The following VGLL4 variants were observed in gnomAD, a reference collection of about 807,000 sequenced individuals.
VGLL4 encodes vestigial like family member 4, also known as transcription cofactor vestigial-like protein 4.
A neutral mutation model predicts 21.0 loss-of-function variants in VGLL4; 7 were observed. The ratio of observed to expected loss-of-function variants is 0.33; its 90% CI spans 0.19 to 0.63. The LOEUF (loss-of-function observed/expected upper bound fraction) is 0.63, where lower values mean the gene tolerates loss of function less well. VGLL4 is among the 20% of genes least tolerant of loss of function. The probability of loss-of-function intolerance (pLI) is 0.78; values close to 1 mark genes in which losing one functional copy is unlikely to be tolerated. For synonymous variants in VGLL4, 222 were observed against 173.2 expected, an observed-to-expected ratio of 1.28 and a Z score of -2.21; for missense variants, 394 against 425.7, an observed-to-expected ratio of 0.93 and a Z score of 0.66.
intron 2 of VGLL4, among the ~76,000 whole-genome samples, chr3:11,592,268 G>A (rs563056570): frequency 7.6e-4 from 115 of 152,300 alleles, no homozygotes; most frequent in Admixed American, 1.2e-3. Flanking sequence ...ACTTAAAATT[G>A]GGCCACAGAT....
At position 11,556,625 on chromosome 3, in the gene VGLL4, C is replaced by T. The variant is rs1315989439; in HGVS notation, c.*1931G>A. The stretch of plus-strand genomic sequence containing the variant: ...AAAAAAAAGATCAACTTTTTTTTTC[C>T]GAACAACAAAAAAAATGAATGATTA... On this transcript the variant is annotated 3_prime_UTR_variant, in exon 5 of 5. Transcript: ENST00000430365. 6.0e-5 allele frequency: 9 copies of T among 151,210 alleles called. No homozygotes were observed. The highest frequency in any genetic ancestry group is 1.9e-4 in the East Asian group (1 of 5,234). The allele number at this position is 151,210 out of a possible 1,614,324, so 9.4% of individuals were successfully genotyped here. A position where few individuals can be genotyped will look rare whatever the true frequency, so the allele number is the denominator to read the frequency against.
At chr3:11,647,280 C>T (rs1010615617), upstream of VGLL4, among the ~76,000 whole-genome samples, 25 of 152,102 alleles carry the variant, frequency 1.6e-4, no homozygotes, top group Admixed American at 9.8e-4. Context: ...GTATGCTTCT[C>T]GGTGTGCAGG....
In VGLL4 at chr3:11,557,744, A is replaced by C. The variant is rs2072576473; in HGVS notation, c.*812T>G. ...CTATTTTTTCTCCATTAAAACATGC[A>C]TCACGTTTAAAGCACTATGGAATCC... is the stretch of plus-strand genomic sequence containing the variant. On this transcript the variant is annotated 3_prime_UTR_variant, in exon 5 of 5. Coordinates refer to ENST00000430365, the MANE Select transcript of VGLL4 (RefSeq NM_001128219.3). 1 of 152,878 alleles carries C rather than the reference A, an allele frequency of 6.5e-6. No individual in the cohort carries two copies. Among genetic ancestry groups the C allele is most frequent in the Admixed American group, 6.5e-5 (1 of 15,310 alleles). The allele number at this position is 152,878 out of a possible 1,614,324, so 9.5% of individuals were successfully genotyped here.
chr3:11,566,669 C>T (rs146220898), intron 2 of VGLL4, among the ~76,000 whole-genome samples: 33 of 152,286 alleles, frequency 2.2e-4, no homozygotes, highest in African/African-American at 7.2e-4. Flanking sequence ...CACGCGGTGC[C>T]GCTCTAGCCT....
At chr3:11,635,903 G>C (rs969440270) in intron 1 of VGLL4, among the ~76,000 whole-genome samples, 6 of 152,138 alleles carry the variant, frequency 3.9e-5, no homozygotes, top group African/African-American at 4.8e-5. Context: ...CATTCTCGTG[G>C]GTGATTTTAA....
At position 11,601,981 on chromosome 3, in the gene VGLL4, G is replaced by T. The variant is rs1268135283; in HGVS notation, c.124C>A (p.Pro42Thr). Residue 42 changes from proline (P) to threonine (T), a missense_variant, in exon 2 of 5, where the codon CCG (proline) becomes ACG (threonine). Pro to Thr is a conservative substitution (Grantham distance 38). Transcript: ENST00000430365. Reference sequence around the variant, plus strand: ...TGACTGCTGAGGGCAGAGGCCACCGGCAGGGTCTGTATTCTGGGTTCTCCC... The same window carrying T: ...TGACTGCTGAGGGCAGAGGCCACCGTCAGGGTCTGTATTCTGGGTTCTCCC... Reference protein sequence around the residue: ...LRGEPRIQTLPVASALSSHRT... With the variant: ...LRGEPRIQTLTVASALSSHRT... 1 of 1,601,558 alleles carries T rather than the reference G, an allele frequency of 6.2e-7. No individual in the cohort carries two copies. The highest frequency in any genetic ancestry group is 8.5e-7 in the Non-Finnish European group (1 of 1,175,530).
rs1428045483 is a variant in VGLL4, at chr3:11,558,390, C to CAAGT, written c.*162_*165dup. On this transcript the variant is annotated 3_prime_UTR_variant, in exon 5 of 5. Transcript: ENST00000430365. ...AGGGCCCCCTTGTACGGATACCAAG[C>CAAGT]AAGTACAAAAACAGAACACAAATCC... is the stretch of plus-strand genomic sequence containing the variant. The CAAGT allele has an allele frequency of 8.6e-6, 10 of 1,166,446 alleles. No homozygotes were observed. The Admixed American group carries it at 1.4e-4, about 17-fold the overall frequency. 72.3% of individuals were successfully genotyped at this position (1,166,446 alleles called of 1,614,324 possible).
intron 1 of VGLL4, among the ~76,000 whole-genome samples, chr3:11,615,248 A>G (rs2075140449): frequency 6.6e-6 from 1 of 152,178 alleles, no homozygotes; most frequent in Admixed American, 6.5e-5. Flanking sequence ...GGAGGACTTC[A>G]TTAATTAAGG....
upstream of VGLL4, among the ~76,000 whole-genome samples, chr3:11,645,971 C>CA (rs1176071503): frequency 2.6e-5 from 4 of 151,996 alleles, no homozygotes; most frequent in Non-Finnish European, 1.5e-5. Context: ...GACTCCGTCT[C>CA]AAAAAACAAA....
At position 11,595,030 on chromosome 3, in the gene VGLL4, G is replaced by A. The variant is rs28391039; in HGVS notation, c.272+6803C>T. Among the ~76,000 whole-genome samples the A allele has an allele frequency of 5.0e-3, 765 of 152,234 alleles. 5 individuals are homozygous for A. The highest frequency in any genetic ancestry group is 0.017 in the African/African-American group (699 of 41,516). On this transcript the variant is annotated intron_variant, in intron 2 of 4. Coordinates refer to ENST00000430365, the MANE Select transcript of VGLL4 (RefSeq NM_001128219.3). ...TACAAAATTAGCCGGGCATGGTGGC[G>A]CATGCCTATAATCCTAGCTACTCGG...
chr3:11,697,547 G>A lies in VGLL4; in HGVS notation c.64+5424C>T, dbSNP rs530345618. Among the ~76,000 whole-genome samples, 7 of 152,308 alleles carry A rather than the reference G, an allele frequency of 4.6e-5. No individual in the cohort carries two copies. In the South Asian group the frequency reaches 1.2e-3, roughly 27 times the overall value. ...CTAGTCACAGGAGCAAACCCCATAA[G>A]AGGTTCACTTGGCTGATGCAGAAGC... On this transcript the variant is annotated intron_variant, in intron 2 of 5. Transcript: ENST00000273038.
intron 2 of VGLL4, among the ~76,000 whole-genome samples, chr3:11,659,126 T>C (rs2075997423): frequency 6.6e-6 from 1 of 151,968 alleles, no homozygotes; most frequent in South Asian, 2.1e-4. Context: ...ACAACATGAA[T>C]AGAGTGCCAC....
At chr3:11,670,416 T>C (rs1049298015) in intron 2 of VGLL4, among the ~76,000 whole-genome samples, 1 of 152,178 alleles carries the variant, frequency 6.6e-6, no homozygotes, top group Non-Finnish European at 1.5e-5. Flanking sequence ...TTTCGAATGT[T>C]TTCGTCTCTA....
chr3:11,590,420 G>C (rs771354526), intron 2 of VGLL4, among the ~76,000 whole-genome samples: 13 of 152,106 alleles, frequency 8.5e-5, no homozygotes, highest in Non-Finnish European at 1.0e-4. Flanking sequence ...ATTATTCTTA[G>C]GTCTCTTCAA....
chr3:11,580,198 A>C (rs1228231167), intron 2 of VGLL4, among the ~76,000 whole-genome samples: 1 of 152,188 alleles, frequency 6.6e-6, no homozygotes, highest in Non-Finnish European at 1.5e-5. Context: ...CAGCCGCTGG[A>C]ACTACCATTC....
intron 1 of VGLL4, among the ~76,000 whole-genome samples, chr3:11,708,258 A>G (rs1280553666): frequency 2.0e-5 from 3 of 152,234 alleles, no homozygotes. Context: ...AATGACAGTA[A>G]ATGTACTGAA....
intron 1 of VGLL4, among the ~76,000 whole-genome samples, chr3:11,718,140 T>TC (rs1461876601): frequency 6.6e-6 from 1 of 152,140 alleles, no homozygotes; most frequent in Non-Finnish European, 1.5e-5. Context: ...CCCAGAAGTG[T>TC]GAAAAAACGG....
At chr3:11,641,118 C>CAA (rs10547055) in intron 1 of VGLL4, among the ~76,000 whole-genome samples, 13 of 91,796 alleles carry the variant, frequency 1.4e-4, no homozygotes, top group African/African-American at 2.0e-4. Flanking sequence ...ACTTCATCAC[C>CAA]AAAAAAAAAA....
At chr3:11,695,196 C>A (rs545626464) in intron 2 of VGLL4, among the ~76,000 whole-genome samples, 3 of 151,996 alleles carry the variant, frequency 2.0e-5, no homozygotes, top group Non-Finnish European at 4.4e-5. Flanking sequence ...ATTACAGGCG[C>A]CTGCCACCAC....
Sources: gnomAD v4.1 joint callset for allele counts (sites outside exome capture counted in the v4.1 genomes callset) on GRCh38, gnomAD v4.1.1 for gene constraint, MANE v1.5 for transcripts, NCBI Gene and HGNC (gene_info 2026-07-23, HGNC 2026-07-21) for gene names.